Variants in DDR1 observed in about 807,000 individuals in gnomAD.
The protein encoded by DDR1 is discoidin domain receptor tyrosine kinase 1.
DDR1 carries 64 observed loss-of-function variants against 97.4 expected under a neutral mutation model. That is an observed-to-expected ratio of 0.66 (90% CI 0.54 to 0.81). The LOEUF is 0.81. DDR1 is among the 30% of genes least tolerant of loss of function. The pLI, the probability that DDR1 is intolerant of heterozygous loss-of-function variation, is 0.00. For synonymous variants in DDR1, 458 were observed against 503.7 expected, an observed-to-expected ratio of 0.91 and a Z score of 1.21; for missense variants, 990 against 1,259.6, an observed-to-expected ratio of 0.79 and a Z score of 3.24.
rs141547665 is a variant in DDR1 at position 30,891,069 on chromosome 6, C to T, written c.514C>T (p.Arg172Trp). The change falls in exon 5 of 18, where the codon CGG becomes TGG. Residue 172 changes from arginine to tryptophan, a missense_variant. By Grantham distance (101) the Arg-to-Trp change is moderately radical (BLOSUM62 -3). Transcript: ENST00000376568. This position sits in a 1 kb window ranked among gnomAD's most constrained non-coding sequence, Gnocchi z 5.3. ...GGTTCGCTTCTACCCCCGGGCTGAC[C>T]GGGTCATGAGCGTCTGTCTGCGGGT... The part of the protein sequence containing the change: ...RLVRFYPRAD[R>W]VMSVCLRVEL... 846 of 1,613,044 alleles carry T rather than the reference C, an allele frequency of 5.2e-4. No homozygotes were observed. Among genetic ancestry groups the T allele is most frequent in the Non-Finnish European group, 6.8e-4 (799 of 1,180,028 alleles).
rs1785674975 is a variant in DDR1, at chr6:30,886,016, A to T, written c.-43+1306A>T. On this transcript the variant is annotated intron_variant, in intron 1 of 17. Transcript: ENST00000376568. This position sits in a 1 kb window ranked among gnomAD's most constrained non-coding sequence, Gnocchi z 4.6. The stretch of plus-strand genomic sequence containing the variant: ...TCCTCTCTTGCCCTCTGGGTCTCTG[A>T]CTGTGGACTGAAGACCCAGTGGAGA... Among the ~76,000 whole-genome samples, 1 of 152,032 alleles carries T rather than the reference A, an allele frequency of 6.6e-6. No homozygotes were observed. The highest frequency in any genetic ancestry group is 2.1e-4 in the South Asian group (1 of 4,818).
intron 12 of DDR1, 78 bp downstream of exon 12, chr6:30,895,592 C>T (rs1790464945): frequency 1.1e-6 from 1 of 881,584 alleles, no homozygotes; most frequent in East Asian, 2.6e-5. Flanking sequence ...ACACCTTGCA[C>T]TTCCTCCTCT....
At position 30,889,557 on chromosome 6, in the gene DDR1, G is replaced by C; in HGVS notation, c.417+127G>C. 1 of 668,952 alleles carries C rather than the reference G, an allele frequency of 1.5e-6. No homozygotes were observed. Among genetic ancestry groups the C allele is most frequent in the Non-Finnish European group, 2.3e-6 (1 of 427,880 alleles). 41.4% of individuals were successfully genotyped at this position (668,952 alleles called of 1,614,324 possible). A position where few individuals can be genotyped will look rare whatever the true frequency, so the allele number is the denominator to read the frequency against. ...TCTCCAGACTAAGCCTCTCAGCTGAGCTCCAAACAATATTGTAAACCTGGC... is the reference window on the plus strand; with the variant it reads ...TCTCCAGACTAAGCCTCTCAGCTGACCTCCAAACAATATTGTAAACCTGGC... On this transcript the variant is annotated intron_variant, in intron 4 of 17. Transcript: ENST00000376568. The surrounding 1 kb of genome is among the most constrained non-coding windows in gnomAD (Gnocchi z 4.9).
rs757528938 is a variant in DDR1 at position 30,891,242 on chromosome 6, C to T, written c.565+122C>T. The T allele has an allele frequency of 1.2e-4, 175 of 1,488,050 alleles. No individual in the cohort carries two copies. The highest frequency in any genetic ancestry group is 1.8e-4 in the Middle Eastern group (1 of 5,700). The allele number at this position is 1,488,050 out of a possible 1,614,324, so 92.2% of individuals were successfully genotyped here. A position where few individuals can be genotyped will look rare whatever the true frequency, so the allele number is the denominator to read the frequency against. Reference sequence around the variant, plus strand: ...GGAAGCTGTCACTCTGAGGAGGGGGCTAGCCAGCATTGTCTCCTCCATGCC... The same window carrying T: ...GGAAGCTGTCACTCTGAGGAGGGGGTTAGCCAGCATTGTCTCCTCCATGCC... On this transcript the variant is annotated intron_variant, in intron 5 of 17. Transcript: ENST00000376568. This position sits in a 1 kb window ranked among gnomAD's most constrained non-coding sequence, Gnocchi z 5.3.
Position 30,890,795 on chromosome 6 carries a change from A to G in DDR1, c.418-178A>G. On this transcript the variant is annotated intron_variant, in intron 4 of 17. Coordinates refer to ENST00000376568, the MANE Select transcript of DDR1 (RefSeq NM_001297654.2). The surrounding 1 kb of genome is among the most constrained non-coding windows in gnomAD (Gnocchi z 5.0). ...GAGCTGCGACAGAGCCAGAGGTCTCAGCTGCAGATCTTCATTTCACCCATG... is the reference window on the plus strand; with the variant it reads ...GAGCTGCGACAGAGCCAGAGGTCTCGGCTGCAGATCTTCATTTCACCCATG... 1 of 581,402 alleles carries G rather than the reference A, an allele frequency of 1.7e-6. No individual in the cohort carries two copies. The highest frequency in any genetic ancestry group is 2.9e-6 in the Non-Finnish European group (1 of 348,908). 36.0% of individuals were successfully genotyped at this position (581,402 alleles called of 1,614,324 possible).
chr6:30,896,499 A>G (rs1790803696), intron 12 of DDR1, 122 bp from the exon 13 acceptor site: 1 of 1,259,472 alleles, frequency 7.9e-7, no homozygotes, highest in African/African-American at 1.5e-5. Context: ...GATACAGCAT[A>G]GACCCAGTCT....
rs1274772183 is a variant in DDR1, at chr6:30,896,630, G to C, written c.1634G>C (p.Gly545Ala). The change falls in exon 13 of 18, where the codon GGG becomes GCG. Residue 545 changes from glycine (G) to alanine (A), a missense_variant. By Grantham distance (60) the Gly-to-Ala change is moderately conservative. Transcript: ENST00000376568. ...AKPTNTQAYSGDYMEPEKPGA... is the reference protein window; with the variant it reads ...AKPTNTQAYSADYMEPEKPGA... Reference sequence around the variant, plus strand: ...CCCCTCACCCCTGCAGCCTACAGTGGGGACTATATGGAGCCTGAGAAGCCA... The same window carrying C: ...CCCCTCACCCCTGCAGCCTACAGTGCGGACTATATGGAGCCTGAGAAGCCA... 1 of 1,613,472 alleles carries C rather than the reference G, an allele frequency of 6.2e-7. No individual in the cohort carries two copies. Among genetic ancestry groups the C allele is most frequent in the Non-Finnish European group, 8.5e-7 (1 of 1,179,764 alleles).
upstream of DDR1, among the ~76,000 whole-genome samples, chr6:30,882,431 G>A (rs1200679624): frequency 6.6e-6 from 1 of 152,156 alleles, no homozygotes; most frequent in Non-Finnish European, 1.5e-5. This position sits in a 1 kb window ranked among gnomAD's most constrained non-coding sequence, Gnocchi z 4.8. Context: ...TGGGGACCAC[G>A]GATGGGTAAT....
At position 30,892,482 on chromosome 6, in the gene DDR1, C is replaced by T. The variant is rs2150359223; in HGVS notation, c.1039C>T (p.Gln347Ter). 1.2e-6 allele frequency: 2 copies of T among 1,610,862 alleles called. No individual in the cohort carries two copies. Among genetic ancestry groups the T allele is most frequent in the Non-Finnish European group, 8.5e-7 (1 of 1,179,458 alleles). The change falls in exon 8 of 18, where the codon CAG (glutamine) becomes TAG (stop). Residue 347 changes from glutamine to a stop codon, truncating the protein, a stop_gained. Coordinates refer to ENST00000376568, the MANE Select transcript of DDR1 (RefSeq NM_001297654.2). LOFTEE classifies it high-confidence loss of function. ...TGGCGGCCGTGTGGCTCGCTTTCTG[C>T]AGTGCCGCTTCCTCTTTGCGGGGCC... ...PLGGRVARFL[Q>*]CRFLFAGPWL...
chr6:30,894,795 CT>C lies in DDR1; in HGVS notation c.1513+125del. The C allele has an allele frequency of 9.1e-7, 1 of 1,103,348 alleles. No individual in the cohort carries two copies. The highest frequency in any genetic ancestry group is 1.3e-6 in the Non-Finnish European group (1 of 794,010). 68.3% of individuals were successfully genotyped at this position (1,103,348 alleles called of 1,614,324 possible). A position where few individuals can be genotyped will look rare whatever the true frequency, so the allele number is the denominator to read the frequency against. On this transcript the variant is annotated intron_variant, in intron 11 of 17. Transcript: ENST00000376568. The surrounding 1 kb of genome is among the most constrained non-coding windows in gnomAD (Gnocchi z 5.7). ...CACTTGTTTTCTTCTTTCTGTGCCCCTGGTTACTGTCTATATCACTCTTTGT... is the reference window on the plus strand; with the variant it reads ...CACTTGTTTTCTTCTTTCTGTGCCCCGGTTACTGTCTATATCACTCTTTGT...
At position 30,888,858 on chromosome 6, in the gene DDR1, A is replaced by G. The variant is rs754642793; in HGVS notation, c.85+44A>G. ...GGGTCCCTGAGGGCCAGGGCTTGGG[A>G]GGTAGAGAGTTGGGGGCCTTGACCT... is the stretch of plus-strand genomic sequence containing the variant. On this transcript the variant is annotated intron_variant, in intron 2 of 17. Transcript: ENST00000376568. The surrounding 1 kb of genome is among the most constrained non-coding windows in gnomAD (Gnocchi z 4.2). 1 of 1,612,780 alleles carries G rather than the reference A, an allele frequency of 6.2e-7. No homozygotes were observed. The highest frequency in any genetic ancestry group is 8.5e-7 in the Non-Finnish European group (1 of 1,179,954).
rs779089318 is a variant in DDR1 at position 30,889,461 on chromosome 6, G to A, written c.417+31G>A. The A allele has an allele frequency of 1.1e-4, 165 of 1,454,496 alleles. 1 individual carries two copies. The highest frequency in any genetic ancestry group is 3.6e-4 in the Middle Eastern group (2 of 5,504). 90.1% of individuals were successfully genotyped at this position (1,454,496 alleles called of 1,614,324 possible). ...ACTGGCAGGGGCAGCACCCAGAGGA[G>A]GTTGGCTCTCCTCACTTCCAGCTGT... On this transcript the variant is annotated intron_variant, in intron 4 of 17. Coordinates refer to ENST00000376568, the MANE Select transcript of DDR1 (RefSeq NM_001297654.2). The surrounding 1 kb of genome is among the most constrained non-coding windows in gnomAD (Gnocchi z 4.9).
chr6:30,889,024 C>CTGGCACACT lies in DDR1; in HGVS notation c.188+17_188+25dup. The CTGGCACACT allele has an allele frequency of 6.2e-7, 1 of 1,612,484 alleles. No individual in the cohort carries two copies. The highest frequency in any genetic ancestry group is 8.5e-7 in the Non-Finnish European group (1 of 1,179,528). On this transcript the variant is annotated intron_variant, in intron 3 of 17. Transcript: ENST00000376568. The surrounding 1 kb of genome is among the most constrained non-coding windows in gnomAD (Gnocchi z 4.9). ...CCGCCACAGCAGGTACTTGGCACAC[C>CTGGCACACT]TGGCACACTTGTAGCTGCCCCGAGA...
intron 1 of DDR1, chr6:30,885,114 G>A (rs2150227611): frequency 2.2e-6 from 3 of 1,335,536 alleles, no homozygotes; most frequent in Non-Finnish European, 3.1e-6. Flanking sequence ...CCAACACCCA[G>A]TTGGTCAGTC....
At chr6:30,883,664 G>T (rs1037514677), upstream of DDR1, 1 of 152,410 alleles carries the variant, frequency 6.6e-6, no homozygotes, top group African/African-American at 2.4e-5. This position sits in a 1 kb window ranked among gnomAD's most constrained non-coding sequence, Gnocchi z 4.9. Context: ...TGGGCCTGAG[G>T]GAGGCTTGCC....
At chr6:30,885,099 C>G in intron 1 of DDR1, 1 of 1,192,850 alleles carries the variant, frequency 8.4e-7, no homozygotes, top group Non-Finnish European at 1.2e-6. Context: ...TAAGCCTCCG[C>G]TCAGCCAACA....
At position 30,900,027 on chromosome 6, in the gene DDR1, A is replaced by G. The variant is rs778334296; in HGVS notation, c.*731A>G. Reference sequence around the variant, plus strand: ...GTGTAGCTGCCACATTGATTTTTCTATAATCACTTGGGGTTTGTACATTTT... The same window carrying G: ...GTGTAGCTGCCACATTGATTTTTCTGTAATCACTTGGGGTTTGTACATTTT... On this transcript the variant is annotated 3_prime_UTR_variant, in exon 18 of 18. Coordinates refer to ENST00000376568, the MANE Select transcript of DDR1 (RefSeq NM_001297654.2). 11 of 595,160 alleles carry G rather than the reference A, an allele frequency of 1.8e-5. No homozygotes were observed. The highest frequency in any genetic ancestry group is 1.8e-5 in the African/African-American group (1 of 55,562). 36.9% of individuals were successfully genotyped at this position (595,160 alleles called of 1,614,324 possible).
chr6:30,891,125 G>A lies in DDR1; in HGVS notation c.565+5G>A. On this transcript the variant is annotated splice_donor_5th_base_variant and intron_variant, in intron 5 of 17. Coordinates refer to ENST00000376568, the MANE Select transcript of DDR1 (RefSeq NM_001297654.2). This position sits in a 1 kb window ranked among gnomAD's most constrained non-coding sequence, Gnocchi z 5.3. ...TCTATGGCTGCCTCTGGAGGGGTGA[G>A]TGGCTCAGCTTCCTGGGAATCTGTT... The A allele has an allele frequency of 6.2e-7, 1 of 1,612,846 alleles. No homozygotes were observed. The highest frequency in any genetic ancestry group is 2.2e-5 in the East Asian group (1 of 44,866).
rs1272403437 is a variant in DDR1, at chr6:30,884,527, C to T, written c.-226C>T. 3 of 151,942 alleles carry T rather than the reference C, an allele frequency of 2.0e-5. No individual in the cohort carries two copies. The highest frequency in any genetic ancestry group is 4.8e-5 in the African/African-American group (2 of 41,382). 9.4% of individuals were successfully genotyped at this position (151,942 alleles called of 1,614,324 possible). A position where few individuals can be genotyped will look rare whatever the true frequency, so the allele number is the denominator to read the frequency against. ...GAGCCGCCCCAGCCCTGGCTCCTCT[C>T]CCCGGAACAGGCCCCCGACAGCTGC... On this transcript the variant is annotated 5_prime_UTR_variant, in exon 1 of 18. Coordinates refer to ENST00000376568, the MANE Select transcript of DDR1 (RefSeq NM_001297654.2). The surrounding 1 kb of genome is among the most constrained non-coding windows in gnomAD (Gnocchi z 6.1).
Sources: allele counts gnomAD v4.1 joint callset (sites outside exome capture counted in the v4.1 genomes callset), GRCh38; gene constraint gnomAD v4.1.1; non-coding constraint Gnocchi (gnomAD v3.1); transcripts MANE v1.5; gene names NCBI Gene and HGNC (gene_info 2026-07-23, HGNC 2026-07-21).